Variants in CPQ observed in about 807,000 individuals in gnomAD.
CPQ encodes the protein Ser-Met dipeptidase.
A neutral mutation model predicts 45.7 loss-of-function variants in CPQ; 37 were observed. That is an observed-to-expected ratio of 0.81 (90% CI 0.62 to 1.07). The LOEUF (loss-of-function observed/expected upper bound fraction) is 1.07. Among genes scored for constraint, CPQ ranks in the 50% least tolerant of loss-of-function variants. The pLI is 0.00. For synonymous variants in CPQ, 186 were observed against 205.8 expected, an observed-to-expected ratio of 0.90 and a Z score of 0.82; for missense variants, 537 against 572.9, an observed-to-expected ratio of 0.94 and a Z score of 0.64.
chr8:96,775,342 G>T (rs1448018279), intron 1 of CPQ, among the ~76,000 whole-genome samples: 2 of 151,946 alleles, frequency 1.3e-5, no homozygotes, highest in Non-Finnish European at 2.9e-5. Context: ...GTAATATAAA[G>T]GAACAATTAA....
chr8:97,041,533 T>G (rs1810125456), intron 6 of CPQ, among the ~76,000 whole-genome samples: 1 of 151,912 alleles, frequency 6.6e-6, no homozygotes, highest in Admixed American at 6.6e-5. Context: ...TGAATAGGAG[T>G]GGTGAGAGAG....
intron 4 of CPQ, among the ~76,000 whole-genome samples, chr8:96,888,682 T>C (rs1257609090): frequency 6.6e-6 from 1 of 152,222 alleles, no homozygotes; most frequent in East Asian, 1.9e-4. Flanking sequence ...AATGTGCTGA[T>C]GTGCACTGGG....
chr8:97,089,650 G>A (rs1563577155), intron 7 of CPQ, among the ~76,000 whole-genome samples: 1 of 152,156 alleles, frequency 6.6e-6, no homozygotes, highest in Non-Finnish European at 1.5e-5. Flanking sequence ...CCTTCTGAAA[G>A]TTTTGCTTGG....
intron 2 of CPQ, among the ~76,000 whole-genome samples, chr8:96,792,958 G>A (rs1046279255): frequency 1.3e-5 from 2 of 152,012 alleles, no homozygotes; most frequent in Non-Finnish European, 2.9e-5. Flanking sequence ...GCAAGCGAAG[G>A]GGAAAGATGG....
intron 1 of CPQ, among the ~76,000 whole-genome samples, chr8:96,757,072 G>A (rs1002230642): frequency 4.6e-5 from 7 of 152,162 alleles, no homozygotes; most frequent in Middle Eastern, 3.4e-3. Context: ...ATTTCCAGCT[G>A]AGCGTGGTGA....
intron 1 of CPQ, among the ~76,000 whole-genome samples, chr8:96,698,603 A>G (rs535048554): frequency 1.3e-5 from 2 of 152,320 alleles, no homozygotes; most frequent in South Asian, 4.1e-4. Flanking sequence ...CCATCTGACA[A>G]GGGATTAATA....
chr8:97,103,406 AC>A (rs1310047439), intron 7 of CPQ, among the ~76,000 whole-genome samples: 1 of 152,202 alleles, frequency 6.6e-6, no homozygotes, highest in Non-Finnish European at 1.5e-5. Flanking sequence ...ACTTTAGAAA[AC>A]TAGTATTTTT....
intron 4 of CPQ, among the ~76,000 whole-genome samples, chr8:96,964,873 A>G (rs552124778): frequency 6.6e-6 from 1 of 152,120 alleles, no homozygotes; most frequent in Non-Finnish European, 1.5e-5. Context: ...TTTTATAATG[A>G]TCAAGATACA....
intron 1 of CPQ, among the ~76,000 whole-genome samples, chr8:96,773,173 T>C (rs1423787751): frequency 6.6e-6 from 1 of 152,226 alleles, no homozygotes; most frequent in Non-Finnish European, 1.5e-5. Context: ...TATACTTCTA[T>C]TGTGAAATAT....
At chr8:96,724,134 TTCTC>T (rs144832803) in intron 1 of CPQ, among the ~76,000 whole-genome samples, 6 of 150,856 alleles carry the variant, frequency 4.0e-5, no homozygotes, top group East Asian at 1.9e-4. Context: ...TCTGTATGCA[TTCTC>T]TCTCTCTCTC....
intron 1 of CPQ, among the ~76,000 whole-genome samples, chr8:96,750,559 T>C (rs1051109938): frequency 6.6e-6 from 1 of 151,914 alleles, no homozygotes; most frequent in Non-Finnish European, 1.5e-5. Context: ...ATCTGTAGGA[T>C]AGCTGATTTT....
intron 1 of CPQ, among the ~76,000 whole-genome samples, chr8:96,676,177 T>G (rs900073154): frequency 6.6e-6 from 1 of 152,026 alleles, no homozygotes; most frequent in Admixed American, 6.6e-5. Flanking sequence ...TTATTATTAC[T>G]ATGTCACCTT....
chr8:96,794,060 T>A (rs192365390), intron 2 of CPQ, among the ~76,000 whole-genome samples: 2 of 152,196 alleles, frequency 1.3e-5, no homozygotes, highest in Non-Finnish European at 2.9e-5. Context: ...CATTCTGGGG[T>A]CTTGAGGACA....
At chr8:96,765,271 G>A (rs1810452828) in intron 1 of CPQ, among the ~76,000 whole-genome samples, 1 of 152,190 alleles carries the variant, frequency 6.6e-6, no homozygotes, top group South Asian at 2.1e-4. Context: ...TGCTGGAGCA[G>A]GTTTGCAGGA....
intron 2 of CPQ, among the ~76,000 whole-genome samples, chr8:96,794,850 A>G (rs145767425): frequency 7.7e-4 from 118 of 152,286 alleles, no homozygotes; most frequent in African/African-American, 2.8e-3. Context: ...AAAACACAGC[A>G]AGAATCACCT....
chr8:96,991,492 C>T (rs1019528493), intron 5 of CPQ, among the ~76,000 whole-genome samples: 5 of 151,420 alleles, frequency 3.3e-5, no homozygotes, highest in African/African-American at 1.2e-4. Context: ...GGAGGCAGAG[C>T]TTGCAGTGAG....
chr8:97,027,520 C>A (rs575258785), intron 5 of CPQ, among the ~76,000 whole-genome samples: 1 of 152,278 alleles, frequency 6.6e-6, no homozygotes, highest in South Asian at 2.1e-4. Flanking sequence ...TTATCTTCAT[C>A]TTTCAGATAA....
At chr8:96,645,562 C>T (rs1287498916) in intron 1 of CPQ, among the ~76,000 whole-genome samples, 160 bp downstream of exon 1, 4 of 152,116 alleles carry the variant, frequency 2.6e-5, no homozygotes, top group Non-Finnish European at 5.9e-5. Context: ...GACGGGAGGA[C>T]CTGGCTGGGG....
chr8:97,045,474 C>T (rs563589777), intron 6 of CPQ, among the ~76,000 whole-genome samples: 29 of 152,264 alleles, frequency 1.9e-4, no homozygotes, highest in Middle Eastern at 3.4e-3. Flanking sequence ...CTTCAGCTCG[C>T]GCACGACGCA....
Sources: gnomAD v4.1 joint callset for allele counts (sites outside exome capture counted in the v4.1 genomes callset) on GRCh38, gnomAD v4.1.1 for gene constraint, MANE v1.5 for transcripts, NCBI Gene and HGNC (gene_info 2026-07-23, HGNC 2026-07-21) for gene names.